The following CACNA1F variants were observed in gnomAD, a reference collection of about 807,000 sequenced individuals.
CACNA1F encodes voltage-dependent L-type calcium channel subunit alpha-1F.
In CACNA1F, 59 loss-of-function variants were observed where a neutral mutation model predicts 143.8. The ratio of observed to expected loss-of-function variants is 0.41; its 90% CI spans 0.33 to 0.51. CACNA1F has a LOEUF of 0.51. Ranked by LOEUF, CACNA1F falls within the 20% of genes least tolerant of loss-of-function variation. The pLI is 0.22. For synonymous variants in CACNA1F, 643 were observed against 649.1 expected (o/e 0.99, Z 0.14); for missense variants, 1,411 against 1,647.5 (o/e 0.86, Z 2.48).
Position 49,206,497 on chromosome X carries a change from C to T in CACNA1F, c.5472+14G>A, listed in dbSNP as rs782194029. 8.7e-6 allele frequency: 10 copies of T among 1,152,746 alleles called. No individual in the cohort carries two copies. In the Admixed American group the frequency reaches 2.2e-4, roughly 25 times the overall value. 95.0% of individuals were successfully genotyped at this position (1,152,746 alleles called of 1,213,427 possible). A position where few individuals can be genotyped will look rare whatever the true frequency, so the allele number is the denominator to read the frequency against. On this transcript the variant is annotated intron_variant, in intron 46 of 47. Coordinates refer to ENST00000323022, the MANE Select transcript of CACNA1F (RefSeq NM_001256789.3). ...TCCAGACCCCAGACCCCAGCACCAC[C>T]TCCACAGCCTCACCTGAGCCCTATT...
chrX:49,205,478 G>T, intron 47 of CACNA1F, 111 bp from the exon 48 acceptor site: 1 of 831,483 alleles, frequency 1.2e-6, no homozygotes, highest in Non-Finnish European at 1.8e-6. Context: ...GTGGGGGACA[G>T]GGGTGAGCAG....
Position 49,212,225 on chromosome X carries a change from C to T in CACNA1F, c.4008+18G>A. On this transcript the variant is annotated intron_variant, in intron 34 of 47. Transcript: ENST00000323022. Reference sequence around the variant, plus strand: ...GCAGAGGAGTGCTTAAGGGATGCTTCCTAGGGTCCCCACTTGCCTGCATGC... The same window carrying T: ...GCAGAGGAGTGCTTAAGGGATGCTTTCTAGGGTCCCCACTTGCCTGCATGC... The T allele has an allele frequency of 8.4e-7, 1 of 1,188,121 alleles. No homozygotes were observed. Among genetic ancestry groups the T allele is most frequent in the Non-Finnish European group, 1.1e-6 (1 of 874,964 alleles).
Position 49,214,282 on chromosome X carries a change from A to C in CACNA1F, c.3598-13T>G. 9.5e-7 allele frequency: 1 copy of C among 1,053,699 alleles called. No individual in the cohort carries two copies. Among genetic ancestry groups the C allele is most frequent in the Non-Finnish European group, 1.3e-6 (1 of 751,070 alleles). 86.8% of individuals were successfully genotyped at this position (1,053,699 alleles called of 1,213,427 possible). Reference sequence around the variant, plus strand: ...TCTGCTCATAGTGCTGCAGGAGAAAATCAGGTTGAGATGGAGCCTGAGGCA... The same window carrying C: ...TCTGCTCATAGTGCTGCAGGAGAAACTCAGGTTGAGATGGAGCCTGAGGCA... On this transcript the variant is annotated splice_polypyrimidine_tract_variant and intron_variant, in intron 29 of 47. Transcript: ENST00000323022.
At chrX:49,212,891 G>A in intron 32 of CACNA1F, 83 bp downstream of exon 32, 2 of 1,165,023 alleles carry the variant, frequency 1.7e-6, no homozygotes, top group East Asian at 6.0e-5. Flanking sequence ...AAATCACTCA[G>A]GCCCTAGGGT....
chrX:49,213,004 G>T lies in CACNA1F; in HGVS notation c.3793-10C>A, dbSNP rs1557106644. The T allele has an allele frequency of 1.7e-6, 2 of 1,198,223 alleles. No individual in the cohort carries two copies. The highest frequency in any genetic ancestry group is 4.4e-5 in the Admixed American group (2 of 45,350). ...CAAGGTGGCCACCATTCTGGAGGGA[G>T]ATATGGCCAAGAAAAAGGTGATACA... On this transcript the variant is annotated splice_polypyrimidine_tract_variant and intron_variant, in intron 31 of 47. Transcript: ENST00000323022.
chrX:49,225,074 G>A (rs1255269436), intron 13 of CACNA1F, 88 bp from the exon 14 acceptor site: 6 of 599,559 alleles, frequency 1.0e-5, no homozygotes, highest in Non-Finnish European at 1.7e-5. Context: ...GGTGACCCAC[G>A]GTAGCTGGTA....
rs1413690015 is a variant in CACNA1F at position 49,213,831 on chromosome X, G to A, written c.3780C>T (p.Val1260=). 1.7e-6 allele frequency: 2 copies of A among 1,192,528 alleles called. No homozygotes were observed. The highest frequency in any genetic ancestry group is 3.5e-5 in the African/African-American group (2 of 56,832). The change falls in exon 31 of 48, where the codon GTC becomes GTT. Residue 1260 remains valine, a synonymous_variant. Coordinates refer to ENST00000323022, the MANE Select transcript of CACNA1F (RefSeq NM_001256789.3). ...GGCCAGTTCTCACATTGACTTCAGT[G>A]ACGGCAATATCCACTATGCTGCCCA... The part of the protein sequence containing the change: ...IVVGSIVDIA[V]TEVNNGGHLG...
intron 14 of CACNA1F, 142 bp from the exon 15 acceptor site, chrX:49,223,278 T>A: frequency 2.1e-6 from 1 of 470,305 alleles, no homozygotes; most frequent in Non-Finnish European, 3.7e-6. Context: ...GGGTTAGAAA[T>A]GATTTTGGAG....
At chrX:49,219,595 G>T in intron 20 of CACNA1F, 39 bp downstream of exon 20, 3 of 1,180,653 alleles carry the variant, frequency 2.5e-6, no homozygotes, top group East Asian at 6.3e-5. Context: ...ACCTGCCCTA[G>T]CCCCTCCTGC....
intron 11 of CACNA1F, 37 bp from the exon 12 acceptor site, chrX:49,226,280 A>T: frequency 8.6e-7 from 1 of 1,161,593 alleles, no homozygotes; most frequent in Non-Finnish European, 1.2e-6. Flanking sequence ...TGTGTCGTAA[A>T]GGGCAGAAGG....
At chrX:49,208,852 G>C (rs2065626442) in intron 42 of CACNA1F, 168 bp from the exon 43 acceptor site, 1 of 490,099 alleles carries the variant, frequency 2.0e-6, no homozygotes, top group Admixed American at 2.9e-5. Context: ...TTTGCGATAG[G>C]GTCTTGTCCT....
chrX:49,208,909 T>A, intron 42 of CACNA1F: 1 of 443,152 alleles, frequency 2.3e-6, no homozygotes, highest in Non-Finnish European at 4.0e-6. Flanking sequence ...CACTGTGGCC[T>A]CATCCTCCCA....
chrX:49,230,755 G>T, intron 4 of CACNA1F, 95 bp downstream of exon 4: 1 of 1,089,600 alleles, frequency 9.2e-7, no homozygotes, highest in Non-Finnish European at 1.2e-6. Context: ...TGCCGAATGG[G>T]GGCGGTCTGA....
intron 13 of CACNA1F, 29 bp from the exon 14 acceptor site, chrX:49,225,015 G>T: frequency 9.6e-7 from 1 of 1,041,950 alleles, no homozygotes; most frequent in Non-Finnish European, 1.3e-6. Flanking sequence ...GGATGATCGG[G>T]CTGGCCAGTT....
rs782760791 is a variant in CACNA1F at position 49,227,000 on chromosome X, T to C, written c.1246A>G (p.Met416Val). 7 of 1,211,972 alleles carry C rather than the reference T, an allele frequency of 5.8e-6. No individual in the cohort carries two copies. The highest frequency in any genetic ancestry group is 5.3e-5 in the South Asian group (3 of 56,983). Residue 416 changes from methionine to valine, a missense_variant, in exon 9 of 48, where the codon ATG becomes GTG. By Grantham distance (21) the Met-to-Val change is conservative. Coordinates refer to ENST00000323022, the MANE Select transcript of CACNA1F (RefSeq NM_001256789.3). ...DWITQAEELD[M>V]EDPSADDNLG... Reference sequence around the variant, plus strand: ...TTGTCATCGGCGGAGGGGTCCTCCATGTCCAGCTCTTCGGCTTGAGTGATC... The same window carrying C: ...TTGTCATCGGCGGAGGGGTCCTCCACGTCCAGCTCTTCGGCTTGAGTGATC...
At chrX:49,209,182 G>GA (rs1362116990) in intron 42 of CACNA1F, 80 bp downstream of exon 42, 4 of 1,148,392 alleles carry the variant, frequency 3.5e-6, no homozygotes, top group Admixed American at 4.4e-5. Flanking sequence ...CTTCTTCCCA[G>GA]AAGCAGTGTC....
Position 49,231,744 on chromosome X carries a change from C to T in CACNA1F, c.209G>A (p.Arg70Gln), listed in dbSNP as rs781923569. 2.7e-5 allele frequency: 33 copies of T among 1,211,483 alleles called. 1 individual carries two copies. The Middle Eastern group carries it at 3.2e-3, about 118-fold the overall frequency. ...VAVASAQRSP[R>Q]ALFCLTLANP... is the part of the protein sequence containing the mutation. ...GGCCAGGGTGAGGCAGAAGAGTGCCCGAGGTGACCGCTGGGCACTGGCCAC... is the reference window on the plus strand; with the variant it reads ...GGCCAGGGTGAGGCAGAAGAGTGCCTGAGGTGACCGCTGGGCACTGGCCAC... Residue 70 changes from arginine to glutamine, a missense_variant, in exon 2 of 48, where the codon CGG becomes CAG. By Grantham distance (43) the Arg-to-Gln change is conservative (BLOSUM62 1). Coordinates refer to ENST00000323022, the MANE Select transcript of CACNA1F (RefSeq NM_001256789.3).
At chrX:49,208,419 T>TCCCCCCC in intron 43 of CACNA1F, 96 bp downstream of exon 43, 1 of 176,006 alleles carries the variant, frequency 5.7e-6, no homozygotes, top group South Asian at 4.2e-5. Flanking sequence ...AGGCCCTCCC[T>TCCCCCCC]CCCACCCCCC....
At position 49,226,969 on chromosome X, in the gene CACNA1F, C is replaced by G; in HGVS notation, c.1276+1G>C. On this transcript the variant is annotated splice_donor_variant, in intron 9 of 47. Coordinates refer to ENST00000323022, the MANE Select transcript of CACNA1F (RefSeq NM_001256789.3). LOFTEE classifies it high-confidence loss of function. Reference sequence around the variant, plus strand: ...CGCCCGGCCCTCTTCAGCCATAGAACCAAGGTTGTCATCGGCGGAGGGGTC... The same window carrying G: ...CGCCCGGCCCTCTTCAGCCATAGAAGCAAGGTTGTCATCGGCGGAGGGGTC... 8.3e-7 allele frequency: 1 copy of G among 1,211,927 alleles called. No individual in the cohort carries two copies. Among genetic ancestry groups the G allele is most frequent in the Non-Finnish European group, 1.1e-6 (1 of 895,472 alleles).
Sources: allele counts gnomAD v4.1 joint callset, GRCh38; gene constraint gnomAD v4.1.1; transcripts MANE v1.5; gene names NCBI Gene and HGNC (gene_info 2026-07-23, HGNC 2026-07-21).